Variants in SLA observed in about 807,000 individuals in gnomAD.
SLA encodes the protein Src like adaptor.
A neutral mutation model predicts 30.3 loss-of-function variants in SLA; 16 were observed. That is an observed-to-expected ratio of 0.53 (90% confidence interval 0.36 to 0.80). The LOEUF (loss-of-function observed/expected upper bound fraction) is 0.80. Ranked by LOEUF, SLA falls within the 30% of genes least tolerant of loss-of-function variation. The pLI is 0.01. For missense variants in SLA, 310 were observed against 345.2 expected (o/e 0.90, Z 0.81); for synonymous variants, 143 against 137.8 (o/e 1.04, Z -0.26).
At chr8:133,055,372 C>T (rs1841241850) in intron 3 of SLA, among the ~76,000 whole-genome samples, 2 of 31,968 alleles carry the variant, frequency 6.3e-5, no homozygotes, top group East Asian at 1.3e-3. Flanking sequence ...CGCGCACACA[C>T]ACACACACAC....
rs74400292 is a variant in SLA at position 133,040,938 on chromosome 8, C to A, written c.485-808G>T. On this transcript the variant is annotated intron_variant, in intron 7 of 8. Transcript: ENST00000338087. ...TTTCTTTTTTCTCTTGCATGAAAAT[C>A]TCTGTATAAAATGTCTGACTCTCAG... Among the ~76,000 whole-genome samples the A allele has an allele frequency of 2.1e-3, 314 of 152,318 alleles. 1 individual carries two copies. Among genetic ancestry groups the A allele is most frequent in the African/African-American group, 6.9e-3 (287 of 41,568 alleles).
intron 4 of SLA, chr8:133,050,460 C>T (rs866110377): frequency 7.4e-5 from 18 of 244,876 alleles, no homozygotes; most frequent in Middle Eastern, 1.5e-3. Context: ...TTTTCTCATC[C>T]GAAGGATTTC....
chr8:133,092,906 C>T (rs1363307503), intron 1 of SLA, among the ~76,000 whole-genome samples: 1 of 152,170 alleles, frequency 6.6e-6, no homozygotes, highest in African/African-American at 2.4e-5. Context: ...TTCTCTTAGC[C>T]ATCTTGCAAT....
chr8:133,063,662 G>A (rs1311498738), intron 2 of SLA: 2 of 152,206 alleles, frequency 1.3e-5, no homozygotes, highest in African/African-American at 4.8e-5. Context: ...GCTGTTGCTT[G>A]CACTCCCACC....
intron 1 of SLA, chr8:133,095,053 G>T (rs139465983): frequency 1.9e-6 from 3 of 1,613,598 alleles, no homozygotes; most frequent in Middle Eastern, 1.8e-4. Flanking sequence ...GGGAGGCTCC[G>T]CACTCTCCCC....
At chr8:133,092,012 A>G (rs971144665) in intron 1 of SLA, among the ~76,000 whole-genome samples, 12 of 152,078 alleles carry the variant, frequency 7.9e-5, no homozygotes, top group African/African-American at 2.9e-4. Context: ...TCCTTAACCC[A>G]CTTAGACAAA....
intron 1 of SLA, chr8:133,094,909 C>A: frequency 8.8e-7 from 1 of 1,141,708 alleles, no homozygotes; most frequent in Non-Finnish European, 1.3e-6. Flanking sequence ...CCATTGTGTG[C>A]AGCCCCAGAA....
intron 2 of SLA, among the ~76,000 whole-genome samples, chr8:133,070,905 C>T (rs7002393): frequency 0.19 from 29,671 of 152,192 alleles, 3,189 homozygotes; most frequent in Non-Finnish European, 0.24. Flanking sequence ...TGGGTGGCTC[C>T]AAGACTGTGA....
chr8:133,102,029 A>G (rs1849322073), intron 1 of SLA, among the ~76,000 whole-genome samples: 3 of 152,240 alleles, frequency 2.0e-5, no homozygotes, highest in African/African-American at 7.2e-5. Context: ...CCTCATAAAG[A>G]TGTTCAAAAA....
chr8:133,088,089 C>G (rs767648642), intron 1 of SLA, among the ~76,000 whole-genome samples: 1 of 152,166 alleles, frequency 6.6e-6, no homozygotes, highest in Non-Finnish European at 1.5e-5. Context: ...CCAATAGAGG[C>G]GAGAGCTCTG....
chr8:133,060,394 T>G lies in SLA; in HGVS notation c.-40-194A>C, dbSNP rs1415451339. 14 of 1,517,836 alleles carry G rather than the reference T, an allele frequency of 9.2e-6. No homozygotes were observed. The Admixed American group carries it at 2.9e-4, about 31-fold the overall frequency. The allele number at this position is 1,517,836 out of a possible 1,614,324, so 94.0% of individuals were successfully genotyped here. ...AGCTCAAGTTCTTTTATCAAGGGAA[T>G]GACAGAAAAACCACAGAGAGGGAAG... On this transcript the variant is annotated intron_variant, in intron 2 of 8. Coordinates refer to ENST00000338087, the MANE Select transcript of SLA (RefSeq NM_001045556.3).
intron 5 of SLA, chr8:133,049,557 A>G (rs1840041224): frequency 3.2e-6 from 1 of 308,618 alleles, no homozygotes; most frequent in Non-Finnish European, 6.3e-6. Flanking sequence ...TAAGTGACAG[A>G]GGCAGGATTT....
intron 1 of SLA, among the ~76,000 whole-genome samples, chr8:133,084,747 G>A (rs1252740400): frequency 6.6e-6 from 1 of 152,228 alleles, no homozygotes; most frequent in Non-Finnish European, 1.5e-5. Flanking sequence ...ACCCCTTAGA[G>A]CGCTCCCCCA....
intron 1 of SLA, chr8:133,094,568 A>T (rs1220874843): frequency 8.7e-6 from 2 of 230,160 alleles, no homozygotes; most frequent in East Asian, 2.0e-4. Context: ...CCTTACAAAG[A>T]CTGTGTTTTC....
intron 1 of SLA, among the ~76,000 whole-genome samples, chr8:133,084,726 GC>G (rs544830541): frequency 1.3e-5 from 2 of 152,336 alleles, no homozygotes; most frequent in South Asian, 4.1e-4. Flanking sequence ...CAGCAGAAGT[GC>G]CCGGGAGAGA....
intron 1 of SLA, 87 bp downstream of exon 1, chr8:133,102,466 C>T: frequency 2.5e-6 from 3 of 1,179,500 alleles, no homozygotes; most frequent in Non-Finnish European, 1.2e-6. Flanking sequence ...TCCATCAAGT[C>T]CCTCTGAAGA....
In SLA at chr8:133,093,724, TAAC is replaced by T. The variant is rs923586607; in HGVS notation, c.-319+8826_-319+8828del. Reference sequence around the variant, plus strand: ...GCTTGACAATAAACAGAGATCATCGTAACAACAGTGCCACCACCTTTCATCAGG... The same window carrying T: ...GCTTGACAATAAACAGAGATCATCGTAACAGTGCCACCACCTTTCATCAGG... On this transcript the variant is annotated intron_variant, in intron 1 of 8. Transcript: ENST00000338087. Among the ~76,000 whole-genome samples the T allele has an allele frequency of 5.2e-4, 79 of 152,278 alleles. 1 individual carries two copies. Among genetic ancestry groups the T allele is most frequent in the African/African-American group, 1.9e-3 (77 of 41,560 alleles).
chr8:133,101,748 C>T (rs747721789), intron 1 of SLA, among the ~76,000 whole-genome samples: 16 of 152,246 alleles, frequency 1.1e-4, no homozygotes, highest in Non-Finnish European at 1.6e-4. Flanking sequence ...ACAACTGAAA[C>T]ACCATTGATA....
chr8:133,098,197 T>C (rs1485913902), intron 1 of SLA, among the ~76,000 whole-genome samples: 1 of 152,216 alleles, frequency 6.6e-6, no homozygotes, highest in Non-Finnish European at 1.5e-5. Flanking sequence ...GAGTTTGTAG[T>C]CTCTAAAACA....
Sources: allele counts gnomAD v4.1 joint callset (sites outside exome capture counted in the v4.1 genomes callset), GRCh38; gene constraint gnomAD v4.1.1; transcripts MANE v1.5; gene names NCBI Gene and HGNC (gene_info 2026-07-23, HGNC 2026-07-21).